TDP1: variants seen among roughly 807,000 people sequenced by gnomAD.
TDP1 encodes tyr-DNA phosphodiesterase 1.
In TDP1, 64 loss-of-function variants were observed where a neutral mutation model predicts 81.5. That is an observed-to-expected ratio of 0.79 (90% CI 0.64 to 0.97). The LOEUF (loss-of-function observed/expected upper bound fraction) is 0.97, where lower values mean the gene tolerates loss of function less well. Among genes scored for constraint, TDP1 ranks in the 50% least tolerant of loss-of-function variants. The pLI, the probability that TDP1 is intolerant of heterozygous loss-of-function variation, is 0.00. For synonymous variants in TDP1, 256 were observed against 264.3 expected (o/e 0.97, Z 0.30); for missense variants, 723 against 743.8 (o/e 0.97, Z 0.33).
At chr14:90,034,692 G>A (rs1248186507) in intron 16 of TDP1, among the ~76,000 whole-genome samples, 2 of 152,170 alleles carry the variant, frequency 1.3e-5, no homozygotes, top group African/African-American at 4.8e-5. Context: ...GGAAAGGAGA[G>A]GCCCACATAG....
intron 5 of TDP1, chr14:89,970,884 G>A (rs1430362412): frequency 4.5e-6 from 2 of 440,512 alleles, no homozygotes; most frequent in African/African-American, 4.3e-5. Flanking sequence ...TGGCACCCAG[G>A]CTGGAGTGCA....
intron 15 of TDP1, among the ~76,000 whole-genome samples, chr14:90,030,065 C>T (rs763721362): frequency 1.3e-4 from 20 of 152,326 alleles, no homozygotes; most frequent in Admixed American, 5.9e-4. Flanking sequence ...AAGTAACTTG[C>T]TTAGAGCCAC....
At position 90,003,482 on chromosome 14, in the gene TDP1, G is replaced by A. The variant is rs184949783; in HGVS notation, c.1541+9999G>A. ...AAAATCATCCCATGTTTGATGGGCA[G>A]CCGGTTGTTAGGGAAATTATTGGGA... is the stretch of plus-strand genomic sequence containing the variant. On this transcript the variant is annotated intron_variant, in intron 14 of 16. Coordinates refer to ENST00000335725, the MANE Select transcript of TDP1 (RefSeq NM_018319.4). Among the ~76,000 whole-genome samples, 227 of 152,320 alleles carry A rather than the reference G, an allele frequency of 1.5e-3. 1 individual carries two copies. Among genetic ancestry groups the A allele is most frequent in the African/African-American group, 5.2e-3 (214 of 41,550 alleles).
rs996603293 is a variant in TDP1, at chr14:89,967,543, T to G, written c.659+121T>G. On this transcript the variant is annotated intron_variant, in intron 5 of 16. Coordinates refer to ENST00000335725, the MANE Select transcript of TDP1 (RefSeq NM_018319.4). ...AGTTTTTCTTTTGAAACTGTTGAAA[T>G]CACACAGACATTAAGTTATATCCGG... 4.9e-5 allele frequency: 40 copies of G among 820,104 alleles called. No individual in the cohort carries two copies. The Admixed American group carries it at 7.4e-4, about 15-fold the overall frequency. The allele number at this position is 820,104 out of a possible 1,614,324, so 50.8% of individuals were successfully genotyped here. A position where few individuals can be genotyped will look rare whatever the true frequency, so the allele number is the denominator to read the frequency against.
intron 8 of TDP1, chr14:89,984,110 G>C (rs1343715088): frequency 4.1e-6 from 4 of 985,224 alleles, no homozygotes; most frequent in Admixed American, 6.1e-5. Flanking sequence ...ATTCTTGCTT[G>C]GGATTACCAC....
intron 15 of TDP1, among the ~76,000 whole-genome samples, chr14:90,020,363 C>CGT (rs1318202352): frequency 1.8e-4 from 25 of 137,866 alleles, no homozygotes; most frequent in African/African-American, 5.9e-4. Context: ...TTCCTCCCTC[C>CGT]CTCCCTCCCT....
chr14:90,038,185 A>AT (rs940474184), intron 16 of TDP1, among the ~76,000 whole-genome samples: 6 of 152,130 alleles, frequency 3.9e-5, no homozygotes, highest in African/African-American at 7.2e-5. Context: ...TAATTTCAAA[A>AT]TTTTTTTTAA....
intron 8 of TDP1, among the ~76,000 whole-genome samples, chr14:89,982,397 G>C (rs1011388933): frequency 9.2e-5 from 14 of 152,192 alleles, no homozygotes; most frequent in African/African-American, 3.4e-4. Context: ...TGAGCTGCCA[G>C]ATTGGGTTTG....
chr14:89,963,762 C>T (rs1596500258), intron 3 of TDP1, 89 bp downstream of exon 3: 1 of 1,448,658 alleles, frequency 6.9e-7, no homozygotes, highest in East Asian at 2.3e-5. Flanking sequence ...AGAATAGTTT[C>T]TGAGAACTCT....
intron 9 of TDP1, 33 bp from the exon 10 acceptor site, chr14:89,985,099 T>G: frequency 6.5e-7 from 1 of 1,539,596 alleles, no homozygotes; most frequent in Non-Finnish European, 9.0e-7. Context: ...CACATCACTA[T>G]ATTTTATAAC....
chr14:90,037,708 G>A (rs999367866), intron 16 of TDP1, among the ~76,000 whole-genome samples: 1 of 152,106 alleles, frequency 6.6e-6, no homozygotes, highest in Non-Finnish European at 1.5e-5. Flanking sequence ...TACTTTGATT[G>A]TATATTTCCT....
chr14:89,956,915 A>G (rs1891722641), intron 2 of TDP1, 115 bp downstream of exon 2: 1 of 152,180 alleles, frequency 6.6e-6, no homozygotes, highest in South Asian at 2.1e-4. Context: ...ATAAATGTAA[A>G]TCGGACTCCC....
chr14:89,964,127 C>T (rs531090521), intron 3 of TDP1, among the ~76,000 whole-genome samples: 74 of 152,286 alleles, frequency 4.9e-4, no homozygotes, highest in South Asian at 2.3e-3. Context: ...TGTGTTTTCA[C>T]GAGCCCTTGA....
At chr14:89,971,124 C>G in intron 5 of TDP1, 51 bp from the exon 6 acceptor site, 1 of 1,526,452 alleles carries the variant, frequency 6.6e-7, no homozygotes, top group Admixed American at 1.7e-5. Context: ...GTGTGAGCCA[C>G]TGAGCCTGGC....
intron 14 of TDP1, among the ~76,000 whole-genome samples, chr14:90,011,138 G>A (rs2140224677): frequency 6.6e-6 from 1 of 152,292 alleles, no homozygotes; most frequent in East Asian, 1.9e-4. Context: ...TGTAAGGCAT[G>A]CCTTTGCTCC....
intron 15 of TDP1, among the ~76,000 whole-genome samples, chr14:90,031,760 A>G (rs1379119454): frequency 6.6e-6 from 1 of 152,074 alleles, no homozygotes; most frequent in African/African-American, 2.4e-5. Context: ...GCCTTTGCGG[A>G]TGCTGTTCCC....
At chr14:89,965,312 C>G (rs1892807201) in intron 3 of TDP1, among the ~76,000 whole-genome samples, 1 of 151,882 alleles carries the variant, frequency 6.6e-6, no homozygotes, top group African/African-American at 2.4e-5. Context: ...AGCGAAGGTG[C>G]TGGAGCCAGA....
chr14:89,963,747 A>G (rs1432394620), intron 3 of TDP1, 74 bp downstream of exon 3: 2 of 1,534,108 alleles, frequency 1.3e-6, no homozygotes, highest in African/African-American at 1.4e-5. Context: ...CAAGGAGGGC[A>G]GCCTAGAATA....
intron 9 of TDP1, 79 bp downstream of exon 9, chr14:89,984,762 G>T: frequency 6.2e-7 from 1 of 1,602,378 alleles, no homozygotes; most frequent in South Asian, 1.1e-5. Context: ...GCATGCAGGG[G>T]CCTGGAAAGA....
Sources: gnomAD v4.1 joint callset for allele counts (sites outside exome capture counted in the v4.1 genomes callset) on GRCh38, gnomAD v4.1.1 for gene constraint, MANE v1.5 for transcripts, NCBI Gene and HGNC (gene_info 2026-07-23, HGNC 2026-07-21) for gene names.